Variants in PPM1E observed in about 807,000 individuals in gnomAD.
PPM1E encodes the protein protein phosphatase, Mg2+/Mn2+ dependent 1E.
In PPM1E, 20 loss-of-function variants were observed where a neutral mutation model predicts 65.9. The observed-to-expected ratio is 0.30, with a 90% CI of 0.21 to 0.44. PPM1E has a LOEUF of 0.44. Among genes scored for constraint, PPM1E ranks in the 20% least tolerant of loss-of-function variants. The probability of loss-of-function intolerance (pLI) is 1.00; values close to 1 mark genes in which losing one functional copy is unlikely to be tolerated. For missense variants in PPM1E, 713 were observed against 953.1 expected (o/e 0.75, Z 3.32); for synonymous variants, 352 against 374.9 (o/e 0.94, Z 0.70).
intron 1 of PPM1E, among the ~76,000 whole-genome samples, chr17:58,824,420 C>G (rs1465479588): frequency 6.6e-6 from 1 of 152,038 alleles, no homozygotes; most frequent in African/African-American, 2.4e-5. Context: ...TTTGTGTACT[C>G]AAAAGCTTAT....
intron 1 of PPM1E, among the ~76,000 whole-genome samples, chr17:58,797,788 C>T (rs2050220391): frequency 6.6e-6 from 1 of 152,030 alleles, no homozygotes; most frequent in Non-Finnish European, 1.5e-5. Flanking sequence ...AAGAAACTAC[C>T]TGATATTTTC....
chr17:58,974,914 A>T (rs1365804660), intron 6 of PPM1E, among the ~76,000 whole-genome samples: 1 of 152,190 alleles, frequency 6.6e-6, no homozygotes, highest in Non-Finnish European at 1.5e-5. Context: ...AAAAATTGAG[A>T]TTTGGCTTGA....
At chr17:58,939,031 AC>A (rs1163889942) in intron 1 of PPM1E, among the ~76,000 whole-genome samples, 5 of 151,832 alleles carry the variant, frequency 3.3e-5, no homozygotes, top group African/African-American at 1.2e-4. Flanking sequence ...CAGGTAATCC[AC>A]CCACCTCAGC....
intron 1 of PPM1E, among the ~76,000 whole-genome samples, chr17:58,845,775 C>T (rs897386710): frequency 7.2e-5 from 11 of 152,084 alleles, no homozygotes; most frequent in Admixed American, 2.6e-4. Flanking sequence ...CCTCCTCCCA[C>T]GTTCAAGAGA....
intron 1 of PPM1E, chr17:58,899,409 G>A (rs2051469173): frequency 5.5e-6 from 1 of 180,760 alleles, no homozygotes; most frequent in African/African-American, 2.3e-5. Flanking sequence ...CCTATTACAT[G>A]GAATTTGCAA....
In PPM1E at chr17:58,982,923, TAAGAAAAC is replaced by T. The variant is rs752888912; in HGVS notation, c.*1903_*1910del. ...AGTGTCAGTTTCAAATCAAATTATC[TAAGAAAAC>T]AAGAAAACAAAGGCAGCAGACTATT... On this transcript the variant is annotated 3_prime_UTR_variant, in exon 7 of 7. Coordinates refer to ENST00000308249, the MANE Select transcript of PPM1E (RefSeq NM_014906.5). The T allele has an allele frequency of 7.0e-6, 11 of 1,576,744 alleles. No homozygotes were observed. Among genetic ancestry groups the T allele is most frequent in the Non-Finnish European group, 8.6e-6 (10 of 1,159,880 alleles).
chr17:58,758,177 G>T (rs779606026), intron 1 of PPM1E, among the ~76,000 whole-genome samples: 2 of 151,672 alleles, frequency 1.3e-5, no homozygotes, highest in African/African-American at 4.8e-5. Context: ...CATTTGCCAT[G>T]TAAGAAGGTT....
intron 1 of PPM1E, among the ~76,000 whole-genome samples, chr17:58,887,814 G>A (rs2051294336): frequency 6.6e-6 from 1 of 152,194 alleles, no homozygotes; most frequent in African/African-American, 2.4e-5. Flanking sequence ...TGGGTGCTGT[G>A]TGGAGACTAG....
At position 58,829,432 on chromosome 17, in the gene PPM1E, A is replaced by G. The variant is rs563207157; in HGVS notation, c.464+72971A>G. On this transcript the variant is annotated intron_variant, in intron 1 of 6. Transcript: ENST00000308249. ...CATTTGTTTAGTTTTCTATGTACCTATTGTCCTTTATTTTCTGAACTCTGC... is the reference window on the plus strand; with the variant it reads ...CATTTGTTTAGTTTTCTATGTACCTGTTGTCCTTTATTTTCTGAACTCTGC... Among the ~76,000 whole-genome samples, 5 of 152,150 alleles carry G rather than the reference A, an allele frequency of 3.3e-5. No individual in the cohort carries two copies. The South Asian group carries it at 8.3e-4, about 25-fold the overall frequency.
chr17:58,805,320 G>A (rs2050295222), intron 1 of PPM1E, among the ~76,000 whole-genome samples: 1 of 151,890 alleles, frequency 6.6e-6, no homozygotes, highest in Admixed American at 6.6e-5. Context: ...CCGCGATCTC[G>A]GCTCACCTCA....
intron 1 of PPM1E, among the ~76,000 whole-genome samples, chr17:58,786,350 CT>C (rs552427860): frequency 7.9e-5 from 12 of 152,138 alleles, no homozygotes; most frequent in Non-Finnish European, 1.5e-4. Context: ...TATGGCTTCT[CT>C]TTAGCATATC....
chr17:58,968,514 C>T (rs567139936), intron 3 of PPM1E, among the ~76,000 whole-genome samples: 3 of 152,280 alleles, frequency 2.0e-5, no homozygotes, highest in East Asian at 1.9e-4. Flanking sequence ...GACAGCAACT[C>T]GTCCCTGCCT....
intron 1 of PPM1E, 65 bp from the exon 2 acceptor site, chr17:58,955,584 T>C: frequency 6.6e-7 from 1 of 1,525,270 alleles, no homozygotes; most frequent in Non-Finnish European, 9.0e-7. Context: ...GTAATTATTA[T>C]AACGTTAAAT....
rs1046369540 is a variant in PPM1E at position 58,937,025 on chromosome 17, G to C, written c.465-18624G>C. 4.6e-5 allele frequency among the ~76,000 whole-genome samples: 7 copies of C among 151,940 alleles called. No homozygotes were observed. In the South Asian group the frequency reaches 8.3e-4, roughly 18 times the overall value. On this transcript the variant is annotated intron_variant, in intron 1 of 6. Coordinates refer to ENST00000308249, the MANE Select transcript of PPM1E (RefSeq NM_014906.5). ...AATAAGCTCTTGTAAGGCCGGGCGCGGTGGCTCACGCCTGTAATCCCAGCA... is the reference window on the plus strand; with the variant it reads ...AATAAGCTCTTGTAAGGCCGGGCGCCGTGGCTCACGCCTGTAATCCCAGCA...
intron 1 of PPM1E, among the ~76,000 whole-genome samples, chr17:58,871,790 C>T (rs1467720414): frequency 6.8e-6 from 1 of 146,318 alleles, no homozygotes; most frequent in Non-Finnish European, 1.5e-5. Flanking sequence ...GCACTCCAGC[C>T]TGGGCAACAA....
chr17:58,946,979 A>G (rs1233275557), intron 1 of PPM1E, among the ~76,000 whole-genome samples: 1 of 151,826 alleles, frequency 6.6e-6, no homozygotes, highest in Non-Finnish European at 1.5e-5. Context: ...TAGGTCTGTG[A>G]TGCATTTGGC....
At chr17:58,884,226 AT>A (rs886799628) in intron 1 of PPM1E, among the ~76,000 whole-genome samples, 2 of 152,116 alleles carry the variant, frequency 1.3e-5, no homozygotes, top group Non-Finnish European at 2.9e-5. Flanking sequence ...CTTTCATCCA[AT>A]TTTTCTTATT....
At chr17:58,977,672 G>A in intron 6 of PPM1E, among the ~76,000 whole-genome samples, 1 of 152,188 alleles carries the variant, frequency 6.6e-6, no homozygotes. Context: ...ATTGGTTCTA[G>A]CAGAGTTATC....
At chr17:58,760,585 TTTAA>T (rs1230833195) in intron 1 of PPM1E, among the ~76,000 whole-genome samples, 1 of 152,214 alleles carries the variant, frequency 6.6e-6, no homozygotes, top group African/African-American at 2.4e-5. Context: ...AGCCAAAATG[TTTAA>T]TTGTCACACT....
Sources: gnomAD v4.1 joint callset for allele counts (sites outside exome capture counted in the v4.1 genomes callset) on GRCh38, gnomAD v4.1.1 for gene constraint, MANE v1.5 for transcripts, NCBI Gene and HGNC (gene_info 2026-07-23, HGNC 2026-07-21) for gene names.